PTPRD: variants seen among roughly 807,000 people sequenced by gnomAD.
The protein encoded by PTPRD is receptor-type tyrosine-protein phosphatase delta.
In PTPRD, 34 loss-of-function variants were observed where a neutral mutation model predicts 214.5. The ratio of observed to expected loss-of-function variants is 0.16; its 90% confidence interval spans 0.12 to 0.21. The LOEUF (loss-of-function observed/expected upper bound fraction) is 0.21. PTPRD is among the 10% of genes least tolerant of loss of function. The pLI is 1.00. For synonymous variants in PTPRD, 1,128 were observed against 845.7 expected (o/e 1.33, Z -5.79); for missense variants, 2,545 against 2,398.7 (o/e 1.06, Z -1.27).
intron 6 of PTPRD, among the ~76,000 whole-genome samples, chr9:9,764,766 C>A (rs2098692573): frequency 2.6e-5 from 4 of 152,148 alleles, no homozygotes; most frequent in Admixed American, 2.6e-4. Context: ...TAGCAAGTGA[C>A]AGACTCATAC....
chr9:10,040,521 C>T (rs2097276914), intron 3 of PTPRD, among the ~76,000 whole-genome samples: 1 of 151,936 alleles, frequency 6.6e-6, no homozygotes. Flanking sequence ...TCCAAATAAC[C>T]ATTAGTGATC....
intron 11 of PTPRD, among the ~76,000 whole-genome samples, chr9:8,767,372 C>G (rs922813778): frequency 2.0e-5 from 3 of 152,242 alleles, no homozygotes; most frequent in African/African-American, 7.2e-5. Flanking sequence ...CCGCCTTGGC[C>G]TCTCAAAGTG....
At chr9:10,549,418 C>G (rs10809118) in intron 2 of PTPRD, among the ~76,000 whole-genome samples, 1 of 151,858 alleles carries the variant, frequency 6.6e-6, no homozygotes, top group African/African-American at 2.4e-5. Flanking sequence ...AAAAAATTGT[C>G]TATCATTTAG....
chr9:9,955,526 G>GT lies in PTPRD; in HGVS notation c.-471-16917dup, dbSNP rs779657484. ...CGTTTTTTTTGTTTTGTTTTGTTTT[G>GT]TTTTTTTTTTTTTTTGAGACAGAGT... On this transcript the variant is annotated intron_variant, in intron 4 of 45. Transcript: ENST00000381196. 5.9e-3 allele frequency among the ~76,000 whole-genome samples: 795 copies of GT among 134,070 alleles called. 3 individuals are homozygous for GT. Among genetic ancestry groups the GT allele is most frequent in the South Asian group, 0.014 (56 of 4,026 alleles). The allele number at this position is 134,070 out of a possible 152,430, so 88.0% of individuals were successfully genotyped here.
At chr9:9,911,019 T>G (rs2153828356) in intron 5 of PTPRD, among the ~76,000 whole-genome samples, 1 of 152,204 alleles carries the variant, frequency 6.6e-6, no homozygotes, top group African/African-American at 2.4e-5. Context: ...TGGATTTGTC[T>G]TTTGGCTAAC....
chr9:9,614,419 A>C (rs1448393036), intron 7 of PTPRD, among the ~76,000 whole-genome samples: 1 of 152,188 alleles, frequency 6.6e-6, no homozygotes, highest in Non-Finnish European at 1.5e-5. Context: ...GGAAAAAATA[A>C]GCCCTCTCAC....
At chr9:8,511,034 A>C (rs1363795615) in intron 21 of PTPRD, among the ~76,000 whole-genome samples, 1 of 151,962 alleles carries the variant, frequency 6.6e-6, no homozygotes, top group Non-Finnish European at 1.5e-5. Context: ...ATACATATAA[A>C]TGTATAAACG....
intron 7 of PTPRD, among the ~76,000 whole-genome samples, chr9:9,660,323 A>G (rs1191095109): frequency 6.6e-6 from 1 of 151,992 alleles, no homozygotes; most frequent in Non-Finnish European, 1.5e-5. Context: ...AGAATAGACT[A>G]TAGGGAGGTA....
intron 4 of PTPRD, among the ~76,000 whole-genome samples, chr9:10,032,503 A>G (rs1347090807): frequency 6.6e-6 from 1 of 152,156 alleles, no homozygotes; most frequent in Non-Finnish European, 1.5e-5. Flanking sequence ...CAGAACAGTA[A>G]TATTCAGATG....
intron 5 of PTPRD, among the ~76,000 whole-genome samples, chr9:9,773,306 T>C (rs925336576): frequency 3.3e-5 from 5 of 152,110 alleles, no homozygotes; most frequent in Non-Finnish European, 7.4e-5. Context: ...TTCAGCACAG[T>C]TCTCCATCCT....
chr9:8,685,028 C>G (rs574851251), intron 12 of PTPRD, among the ~76,000 whole-genome samples: 1 of 152,196 alleles, frequency 6.6e-6, no homozygotes, highest in East Asian at 1.9e-4. Flanking sequence ...GTGTTTGCAT[C>G]CGGGGCTGGA....
intron 8 of PTPRD, among the ~76,000 whole-genome samples, chr9:9,496,088 G>T (rs1420835165): frequency 2.0e-5 from 3 of 152,120 alleles, no homozygotes; most frequent in African/African-American, 7.2e-5. Flanking sequence ...GGGTGCCCTT[G>T]CTGTGAGTCT....
chr9:8,780,555 G>T (rs938693470), intron 11 of PTPRD, among the ~76,000 whole-genome samples: 1 of 152,144 alleles, frequency 6.6e-6, no homozygotes, highest in Non-Finnish European at 1.5e-5. Context: ...AAATGTCCAT[G>T]GTAGTTTCTG....
intron 8 of PTPRD, among the ~76,000 whole-genome samples, chr9:9,545,022 G>C (rs981195048): frequency 2.6e-5 from 4 of 151,590 alleles, no homozygotes; most frequent in African/African-American, 9.7e-5. Context: ...GCAAAATTGA[G>C]AGGAAAGTAT....
At chr9:10,185,918 T>A (rs2099328328) in intron 3 of PTPRD, among the ~76,000 whole-genome samples, 1 of 152,146 alleles carries the variant, frequency 6.6e-6, no homozygotes, top group Non-Finnish European at 1.5e-5. Flanking sequence ...GCCTTCAGCA[T>A]AAATAATGAG....
At chr9:8,339,093 A>G (rs1355759974) in intron 42 of PTPRD, 46 bp from the exon 43 acceptor site, 1 of 1,562,560 alleles carries the variant, frequency 6.4e-7, no homozygotes. Flanking sequence ...AGTATAAAGA[A>G]CATTCTGTAT....
At chr9:10,302,016 A>G (rs1211460431) in intron 3 of PTPRD, among the ~76,000 whole-genome samples, 1 of 152,336 alleles carries the variant, frequency 6.6e-6, no homozygotes, top group East Asian at 1.9e-4. Flanking sequence ...AAGGGCAGCC[A>G]GAGGGAAAGC....
At position 9,834,631 on chromosome 9, in the gene PTPRD, C is replaced by A. The variant is rs557574088; in HGVS notation, c.-367-67780G>T. ...TACTAGTTTGGCAGGAAGGAGCAAC[C>A]CAAAGCCTCTGGGGTCATTTCTTAT... is the stretch of plus-strand genomic sequence containing the variant. On this transcript the variant is annotated intron_variant, in intron 5 of 45. Transcript: ENST00000381196. Among the ~76,000 whole-genome samples the A allele has an allele frequency of 7.9e-5, 12 of 152,054 alleles. No individual in the cohort carries two copies. The South Asian group carries it at 2.5e-3, about 32-fold the overall frequency.
chr9:8,399,969 C>G (rs1434996372), intron 36 of PTPRD, among the ~76,000 whole-genome samples: 2 of 152,156 alleles, frequency 1.3e-5, no homozygotes, highest in African/African-American at 4.8e-5. Flanking sequence ...GGTTGGGCCT[C>G]CATAACATGG....
Sources: allele counts gnomAD v4.1 joint callset (sites outside exome capture counted in the v4.1 genomes callset), GRCh38; gene constraint gnomAD v4.1.1; transcripts MANE v1.5; gene names NCBI Gene and HGNC (gene_info 2026-07-23, HGNC 2026-07-21).